Variants in MGAM2 observed in about 807,000 individuals in gnomAD.
The protein encoded by MGAM2 is probable maltase-glucoamylase 2.
In MGAM2, 98 loss-of-function variants were observed where a neutral mutation model predicts 96.1. The ratio of observed to expected loss-of-function variants is 1.02; its 90% confidence interval spans 0.87 to 1.21. The LOEUF is 1.21. Among genes scored for constraint, MGAM2 ranks in the 50% most tolerant of loss-of-function variants. The pLI is 0.00. For missense variants in MGAM2, 2,055 were observed against 1,182.4 expected, an observed-to-expected ratio of 1.74 and a Z score of -10.82; for synonymous variants, 749 against 414.8, an observed-to-expected ratio of 1.81 and a Z score of -9.79.
intron 25 of MGAM2, 97 bp from the exon 26 acceptor site, chr7:142,167,171 G>T (rs934520047): frequency 1.8e-5 from 11 of 597,062 alleles, no homozygotes; most frequent in Non-Finnish European, 2.7e-5. Flanking sequence ...CCATGGACAT[G>T]GTATTAGAGA....
At chr7:142,159,575 T>C (rs1795830342) in intron 20 of MGAM2, among the ~76,000 whole-genome samples, 1 of 152,194 alleles carries the variant, frequency 6.6e-6, no homozygotes, top group South Asian at 2.1e-4. Flanking sequence ...TTTTGGAGGC[T>C]GGCAAGTCCA....
chr7:142,210,772 T>C (rs535346390), intron 46 of MGAM2, among the ~76,000 whole-genome samples: 71 of 152,348 alleles, frequency 4.7e-4, no homozygotes, highest in African/African-American at 1.6e-3. Flanking sequence ...TTCAGCAGAC[T>C]TAAACCTTCC....
At chr7:142,185,939 T>C in intron 34 of MGAM2, 50 bp from the exon 35 acceptor site, 1 of 690,756 alleles carries the variant, frequency 1.4e-6, no homozygotes, top group Non-Finnish European at 2.6e-6. Flanking sequence ...ATTTGTGGTC[T>C]CCTGTATAGG....
chr7:142,153,868 T>C (rs1277884582), intron 15 of MGAM2, 150 bp from the exon 16 acceptor site: 2 of 446,804 alleles, frequency 4.5e-6, no homozygotes, highest in Non-Finnish European at 8.1e-6. Context: ...AAGAAGCTCT[T>C]AGATAGTACT....
intron 32 of MGAM2, among the ~76,000 whole-genome samples, chr7:142,182,923 C>G (rs1441442192): frequency 6.6e-6 from 1 of 152,120 alleles, no homozygotes; most frequent in African/African-American, 2.4e-5. Flanking sequence ...GTCCCCTTTC[C>G]TCTCATTTTA....
rs944162473 is a variant in MGAM2 at position 142,148,047 on chromosome 7, T to A, written c.1634+474T>A. Among the ~76,000 whole-genome samples, 6 of 152,086 alleles carry A rather than the reference T, an allele frequency of 3.9e-5. No individual in the cohort carries two copies. Among genetic ancestry groups the A allele is most frequent in the Admixed American group, 6.6e-5 (1 of 15,238 alleles). On this transcript the variant is annotated intron_variant, in intron 15 of 47. Coordinates refer to ENST00000477922, the MANE Select transcript of MGAM2 (RefSeq NM_001293626.2). This position sits in a 1 kb window ranked among gnomAD's most constrained non-coding sequence, Gnocchi z 4.2. ...CCATATCCTTCTATTTCCTTCCCAA[T>A]GTCCTGCTTGTCTACCTCATAATTC...
chr7:142,177,949 C>G (rs549625821), intron 32 of MGAM2, among the ~76,000 whole-genome samples: 1 of 152,160 alleles, frequency 6.6e-6, no homozygotes, highest in East Asian at 1.9e-4. Flanking sequence ...CTCCAAATTG[C>G]TTTCCACTGT....
chr7:142,196,941 T>C (rs1164451909), intron 40 of MGAM2, 125 bp downstream of exon 40: 1 of 611,762 alleles, frequency 1.6e-6, no homozygotes, highest in African/African-American at 1.8e-5. Context: ...CTTAATTTCT[T>C]GGAAAATCCA....
intron 12 of MGAM2, among the ~76,000 whole-genome samples, chr7:142,141,837 T>C (rs1452485362): frequency 6.6e-6 from 1 of 152,142 alleles, no homozygotes; most frequent in Non-Finnish European, 1.5e-5. Context: ...AGATAGAGCA[T>C]AGTTTTGATT....
rs1796231682 is a variant in MGAM2, at chr7:142,172,639, GT to G, written c.3449-8del. ...TCCAAGGATGTGCCTCATGTGTGTT[GT>G]TTTTCTTACAGATGTGACATTACAG... On this transcript the variant is annotated splice_polypyrimidine_tract_variant and intron_variant, in intron 29 of 47. Transcript: ENST00000477922. The G allele has an allele frequency of 5.8e-6, 4 of 691,006 alleles. No homozygotes were observed. Among genetic ancestry groups the G allele is most frequent in the African/African-American group, 1.8e-5 (1 of 56,746 alleles). 42.8% of individuals were successfully genotyped at this position (691,006 alleles called of 1,614,324 possible).
At chr7:142,159,046 G>A (rs1795816940) in intron 19 of MGAM2, among the ~76,000 whole-genome samples, 3 of 152,102 alleles carry the variant, frequency 2.0e-5, no homozygotes, top group African/African-American at 4.8e-5. Flanking sequence ...CTCAGTGAAT[G>A]GACTTTCTCT....
chr7:142,219,379 T>G (rs1797855063), intron 47 of MGAM2, among the ~76,000 whole-genome samples: 1 of 152,200 alleles, frequency 6.6e-6, no homozygotes, highest in South Asian at 2.1e-4. Context: ...TTACCTGGAC[T>G]ATTGAGTTCA....
intron 36 of MGAM2, among the ~76,000 whole-genome samples, chr7:142,189,044 A>T (rs995084428): frequency 3.3e-5 from 5 of 152,244 alleles, no homozygotes; most frequent in African/African-American, 1.2e-4. Context: ...CCTGGAGAAC[A>T]TTACCATCTA....
intron 3 of MGAM2, among the ~76,000 whole-genome samples, chr7:142,127,442 G>A (rs1001385246): frequency 6.6e-5 from 10 of 151,422 alleles, no homozygotes; most frequent in Non-Finnish European, 1.0e-4. Context: ...GTTTTCTTTT[G>A]TAATTCAGTT....
chr7:142,208,376 C>A (rs952684175), intron 45 of MGAM2, 197 bp from the exon 46 acceptor site: 2 of 656,850 alleles, frequency 3.0e-6, no homozygotes, highest in South Asian at 1.6e-5. Context: ...GCAAGGTACC[C>A]ATTTGCATTT....
chr7:142,137,980 C>G (rs949170124), intron 9 of MGAM2, among the ~76,000 whole-genome samples: 1 of 152,126 alleles, frequency 6.6e-6, no homozygotes, highest in African/African-American at 2.4e-5. Flanking sequence ...TTTGGGAGGC[C>G]AAGGTGGGCG....
At position 142,204,183 on chromosome 7, in the gene MGAM2, G is replaced by A. The variant is rs544384685; in HGVS notation, c.5137+4215G>A. 3.5e-3 allele frequency among the ~76,000 whole-genome samples: 531 copies of A among 151,586 alleles called. 3 individuals are homozygous for A. The highest frequency in any genetic ancestry group is 6.1e-3 in the African/African-American group (251 of 41,390). On this transcript the variant is annotated intron_variant, in intron 45 of 47. Transcript: ENST00000477922. ...TTAGCAATGTTTTATAATTTTTGGC[G>A]TATAGTTCTTGTACATATTTTGTTA...
rs1343907300 is a variant in MGAM2 at position 142,161,198 on chromosome 7, G to A, written c.2419G>A (p.Asp807Asn). 2.8e-6 allele frequency: 2 copies of A among 702,390 alleles called. No homozygotes were observed. The highest frequency in any genetic ancestry group is 5.2e-6 in the Non-Finnish European group (2 of 384,670). 43.5% of individuals were successfully genotyped at this position (702,390 alleles called of 1,614,324 possible). ...AGCAAAGGGGGAGCTGTACTGGGAT[G>A]ACGGTGTATCTAAAGGTAGACTTTC... ...REAKGELYWD[D>N]GVSKDAVTEK... is the part of the protein sequence containing the mutation. Residue 807 changes from aspartate to asparagine, a missense_variant, in exon 22 of 48, where the codon GAC becomes AAC. By Grantham distance (23) the Asp-to-Asn change is conservative (BLOSUM62 1). Coordinates refer to ENST00000477922, the MANE Select transcript of MGAM2 (RefSeq NM_001293626.2).
chr7:142,140,448 T>C (rs1398769827), intron 10 of MGAM2, among the ~76,000 whole-genome samples: 1 of 152,212 alleles, frequency 6.6e-6, no homozygotes, highest in Non-Finnish European at 1.5e-5. Context: ...TAGTACATGG[T>C]TATAACATTA....
Sources: allele counts gnomAD v4.1 joint callset (sites outside exome capture counted in the v4.1 genomes callset), GRCh38; gene constraint gnomAD v4.1.1; non-coding constraint Gnocchi (gnomAD v3.1); transcripts MANE v1.5; gene names NCBI Gene and HGNC (gene_info 2026-07-23, HGNC 2026-07-21).